Variants in LMOD2 observed in about 807,000 individuals in gnomAD.
LMOD2 encodes leiomodin-2.
Under a neutral mutation model 41.7 loss-of-function variants are expected in LMOD2, and 27 were observed. The ratio of observed to expected loss-of-function variants is 0.65; its 90% CI spans 0.48 to 0.89. The LOEUF (loss-of-function observed/expected upper bound fraction) is 0.89. LMOD2 is among the 40% of genes least tolerant of loss of function. The pLI is 0.00. For synonymous variants in LMOD2, 251 were observed against 244.6 expected (o/e 1.03, Z -0.25); for missense variants, 624 against 667.9 (o/e 0.93, Z 0.72).
chr7:123,661,650 G>T (rs184457817), intron 1 of LMOD2, among the ~76,000 whole-genome samples: 3 of 152,312 alleles, frequency 2.0e-5, no homozygotes, highest in Admixed American at 6.5e-5. Flanking sequence ...CAGAAAACAA[G>T]AGAAATGTTT....
Position 123,663,844 on chromosome 7 carries a change from C to A in LMOD2, c.*99C>A. ...AATACCTTCTTCAATTCAAAATGAT[C>A]CCTGACTTTAAAAATAATCTCACCC... On this transcript the variant is annotated 3_prime_UTR_variant, in exon 3 of 3. Coordinates refer to ENST00000458573, the MANE Select transcript of LMOD2 (RefSeq NM_207163.3). 3.2e-6 allele frequency: 3 copies of A among 934,926 alleles called. No individual in the cohort carries two copies. Among genetic ancestry groups the A allele is most frequent in the Non-Finnish European group, 4.8e-6 (3 of 620,966 alleles). The allele number at this position is 934,926 out of a possible 1,614,324, so 57.9% of individuals were successfully genotyped here.
Position 123,662,847 on chromosome 7 carries a change from C to A in LMOD2, c.1261C>A (p.Pro421Thr). The A allele has an allele frequency of 6.3e-7, 1 of 1,594,214 alleles. No homozygotes were observed. Among genetic ancestry groups the A allele is most frequent in the Non-Finnish European group, 8.6e-7 (1 of 1,169,270 alleles). ...RSRPLSPVAT[P>T]PPPPPPPPPP... ...CCGTCCTCTGTCTCCTGTGGCCACA[C>A]CTCCTCCTCCTCCCCCTCCTCCTCC... The change falls in exon 2 of 3, where the codon CCT becomes ACT. Residue 421 changes from proline to threonine, a missense_variant. By Grantham distance (38) the Pro-to-Thr change is conservative. Transcript: ENST00000458573. The surrounding 1 kb of genome is among the most constrained non-coding windows in gnomAD (Gnocchi z 4.0).
intron 1 of LMOD2, among the ~76,000 whole-genome samples, chr7:123,656,874 T>C (rs1265214094): frequency 2.6e-5 from 4 of 152,044 alleles, no homozygotes; most frequent in Non-Finnish European, 4.4e-5. Context: ...AGTGTTTCTT[T>C]TGCGAATCAA....
At position 123,662,063 on chromosome 7, in the gene LMOD2, C is replaced by T; in HGVS notation, c.477C>T (p.Asp159=). ...TAAATTATGATAGTGTCAATTCTGA[C>T]AACTCTAAGCCAAAGATATTTAAAA... The part of the protein sequence containing the change: ...GTVNYDSVNS[D]NSKPKIFKSQ... The change falls in exon 2 of 3, where the codon GAC becomes GAT. Residue 159 remains aspartate (D), a synonymous_variant. Transcript: ENST00000458573. This position sits in a 1 kb window ranked among gnomAD's most constrained non-coding sequence, Gnocchi z 4.0. 6.2e-7 allele frequency: 1 copy of T among 1,601,830 alleles called. No homozygotes were observed. The highest frequency in any genetic ancestry group is 8.5e-7 in the Non-Finnish European group (1 of 1,173,536).
At chr7:123,660,830 GAT>G (rs1379349427) in intron 1 of LMOD2, among the ~76,000 whole-genome samples, 8 of 152,016 alleles carry the variant, frequency 5.3e-5, no homozygotes, top group Admixed American at 5.2e-4. Flanking sequence ...GAAAGACAAA[GAT>G]AGAATGAAAT....
At position 123,663,751 on chromosome 7, in the gene LMOD2, T is replaced by C. The variant is rs1420583014; in HGVS notation, c.*6T>C. On this transcript the variant is annotated 3_prime_UTR_variant, in exon 3 of 3. Coordinates refer to ENST00000458573, the MANE Select transcript of LMOD2 (RefSeq NM_207163.3). Reference sequence around the variant, plus strand: ...TTCCAGAAGCCCTGCGATAAAAACATGATCTTTAGAAGAGGATGCAGAACT... The same window carrying C: ...TTCCAGAAGCCCTGCGATAAAAACACGATCTTTAGAAGAGGATGCAGAACT... 13 of 1,574,930 alleles carry C rather than the reference T, an allele frequency of 8.3e-6. No homozygotes were observed. The highest frequency in any genetic ancestry group is 1.0e-5 in the Non-Finnish European group (12 of 1,157,974).
intron 1 of LMOD2, among the ~76,000 whole-genome samples, chr7:123,659,782 G>A (rs28705875): frequency 0.016 from 2,500 of 152,274 alleles, 83 homozygotes; most frequent in African/African-American, 0.057. Context: ...ATGGGAATGC[G>A]TCTGAGGGAT....
chr7:123,659,758 G>A (rs1183645026), intron 1 of LMOD2, among the ~76,000 whole-genome samples: 6 of 152,206 alleles, frequency 3.9e-5, no homozygotes, highest in Non-Finnish European at 8.8e-5. Flanking sequence ...TTTATTGGGG[G>A]TGGGTACAAT....
chr7:123,660,319 T>A (rs1451024946), intron 1 of LMOD2, among the ~76,000 whole-genome samples: 4 of 141,042 alleles, frequency 2.8e-5, no homozygotes, highest in African/African-American at 1.1e-4. Context: ...TCTCTCTCTC[T>A]CTCTCACACA....
At chr7:123,663,459 C>A in intron 2 of LMOD2, 1 of 605,140 alleles carries the variant, frequency 1.7e-6, no homozygotes. Flanking sequence ...ATACACGTCC[C>A]AATTCCCTTA....
chr7:123,663,844 C>G lies in LMOD2; in HGVS notation c.*99C>G, dbSNP rs1802930494. On this transcript the variant is annotated 3_prime_UTR_variant, in exon 3 of 3. Coordinates refer to ENST00000458573, the MANE Select transcript of LMOD2 (RefSeq NM_207163.3). ...AATACCTTCTTCAATTCAAAATGAT[C>G]CCTGACTTTAAAAATAATCTCACCC... The G allele has an allele frequency of 3.2e-6, 3 of 934,932 alleles. No individual in the cohort carries two copies. Among genetic ancestry groups the G allele is most frequent in the Middle Eastern group, 2.3e-4 (1 of 4,416 alleles). 57.9% of individuals were successfully genotyped at this position (934,932 alleles called of 1,614,324 possible).
intron 1 of LMOD2, among the ~76,000 whole-genome samples, chr7:123,660,297 T>C (rs1004110597): frequency 6.2e-5 from 9 of 145,588 alleles, no homozygotes; most frequent in Admixed American, 5.6e-4. Flanking sequence ...TCTCTCTCTC[T>C]CTCTCTCTCC....
chr7:123,661,337 T>A (rs76722232), intron 1 of LMOD2, among the ~76,000 whole-genome samples: 2,594 of 152,342 alleles, frequency 0.017, 33 homozygotes, highest in South Asian at 0.034. Context: ...TTCTGTCACA[T>A]CTGCTATGGA....
At chr7:123,660,289 TCTCTCTCTCTCTCTCTCC>T (rs1456712482) in intron 1 of LMOD2, among the ~76,000 whole-genome samples, 2 of 115,352 alleles carry the variant, frequency 1.7e-5, no homozygotes, top group African/African-American at 2.7e-5. Context: ...TCTCTCTTTC[TCTCTCTCTCTCTCTCTCC>T]CTCTCTCTCT....
At chr7:123,656,890 C>T (rs1416047805) in intron 1 of LMOD2, among the ~76,000 whole-genome samples, 1 of 152,086 alleles carries the variant, frequency 6.6e-6, no homozygotes, top group Non-Finnish European at 1.5e-5. Context: ...ATCAAGAACC[C>T]CTTTGAGATT....
Position 123,662,723 on chromosome 7 carries a change from C to T in LMOD2, c.1137C>T (p.Val379=). 6.2e-7 allele frequency: 1 copy of T among 1,613,978 alleles called. No homozygotes were observed. Among genetic ancestry groups the T allele is most frequent in the Non-Finnish European group, 8.5e-7 (1 of 1,179,888 alleles). ...YDGGPNLRTK[V]WQRGTPSSSP... ...GAGGACCCAATCTTAGGACCAAAGT[C>T]TGGCAAAGAGGAACACCTAGCTCTT... is the stretch of plus-strand genomic sequence containing the variant. The change falls in exon 2 of 3, where the codon GTC becomes GTT. Residue 379 remains valine (V), a synonymous_variant. Transcript: ENST00000458573. The surrounding 1 kb of genome is among the most constrained non-coding windows in gnomAD (Gnocchi z 4.0).
chr7:123,663,271 G>A, intron 2 of LMOD2, 68 bp downstream of exon 2: 3 of 1,488,252 alleles, frequency 2.0e-6, no homozygotes, highest in Non-Finnish European at 9.0e-7. Context: ...TTGCATGGTG[G>A]TACCAAAGTC....
intron 1 of LMOD2, among the ~76,000 whole-genome samples, chr7:123,658,386 G>A (rs1244804888): frequency 6.6e-6 from 1 of 152,196 alleles, no homozygotes; most frequent in Non-Finnish European, 1.5e-5. Context: ...GTGGCTGGGG[G>A]AGCAAGGTAG....
rs761237197 is a variant in LMOD2 at position 123,662,149 on chromosome 7, C to G, written c.563C>G (p.Ala188Gly). 1 of 1,613,534 alleles carries G rather than the reference C, an allele frequency of 6.2e-7. No homozygotes were observed. Among genetic ancestry groups the G allele is most frequent in the Non-Finnish European group, 8.5e-7 (1 of 1,179,754 alleles). ...AATGGGAGGAACACAGAGTCCCCAG[C>G]TGCCATTCACCCTTGTGGAAATCCT... ...GSNGRNTESP[A>G]AIHPCGNPTV... The change falls in exon 2 of 3, where the codon GCT becomes GGT. Residue 188 changes from alanine to glycine, a missense_variant. By Grantham distance (60) the Ala-to-Gly change is moderately conservative (BLOSUM62 0). Transcript: ENST00000458573. The surrounding 1 kb of genome is among the most constrained non-coding windows in gnomAD (Gnocchi z 4.0).
Sources: allele counts gnomAD v4.1 joint callset (sites outside exome capture counted in the v4.1 genomes callset), GRCh38; gene constraint gnomAD v4.1.1; non-coding constraint Gnocchi (gnomAD v3.1); transcripts MANE v1.5; gene names NCBI Gene and HGNC (gene_info 2026-07-23, HGNC 2026-07-21).